The following ICA1L variants were observed in gnomAD, a reference collection of about 807,000 sequenced individuals.
ICA1L encodes the protein islet cell autoantigen 1-like protein.
In ICA1L, 50 loss-of-function variants were observed where a neutral mutation model predicts 61.3. The ratio of observed to expected loss-of-function variants is 0.82; its 90% CI spans 0.65 to 1.03. ICA1L has a LOEUF of 1.03. Ranked by LOEUF, ICA1L falls within the 50% of genes least tolerant of loss-of-function variation. The pLI, the probability that ICA1L is intolerant of heterozygous loss-of-function variation, is 0.00. For synonymous variants in ICA1L, 161 were observed against 191.3 expected (o/e 0.84, Z 1.31); for missense variants, 508 against 556.7 (o/e 0.91, Z 0.88).
chr2:202,829,073 G>A (rs1332847113), intron 1 of ICA1L, 57 bp from the exon 2 acceptor site: 2 of 1,420,698 alleles, frequency 1.4e-6, no homozygotes, highest in Non-Finnish European at 9.4e-7. Context: ...AATAGGCTGG[G>A]CACGGTGGCT....
chr2:202,823,584 T>G (rs1052318316), intron 3 of ICA1L, among the ~76,000 whole-genome samples: 8 of 152,220 alleles, frequency 5.3e-5, no homozygotes, highest in African/African-American at 1.4e-4. Flanking sequence ...CCAAATTTCC[T>G]TTGTTCCTTT....
At position 202,788,863 on chromosome 2, in the gene ICA1L, C is replaced by CAAAG; in HGVS notation, c.1206_1209dup (p.Asp404LeufsTer2). The CAAAG allele has an allele frequency of 3.1e-6, 5 of 1,613,952 alleles. No homozygotes were observed. Among genetic ancestry groups the CAAAG allele is most frequent in the Non-Finnish European group, 4.2e-6 (5 of 1,179,972 alleles). ...GCTCCAGCCACATGAAAGCCAAGGT[C>CAAAG]AAAGAGTTGTGAAGGAAGGAATCGA... On this transcript the variant is annotated frameshift_variant, in exon 11 of 13. Coordinates refer to ENST00000358299, the MANE Select transcript of ICA1L (RefSeq NM_001288622.3). LOFTEE classifies it high-confidence loss of function.
chr2:202,821,313 G>A, intron 4 of ICA1L, 45 bp downstream of exon 4: 1 of 1,589,916 alleles, frequency 6.3e-7, no homozygotes, highest in Non-Finnish European at 8.6e-7. Flanking sequence ...TGTCAAAACT[G>A]TCAGATTGAC....
At chr2:202,864,507 A>T (rs568970791) in intron 1 of ICA1L, among the ~76,000 whole-genome samples, 4 of 152,222 alleles carry the variant, frequency 2.6e-5, no homozygotes, top group Non-Finnish European at 5.9e-5. Context: ...TGCTGGGATT[A>T]CAGGCGCCTA....
At chr2:202,820,037 T>C (rs565684336) in intron 4 of ICA1L, 138 bp from the exon 5 acceptor site, 7 of 679,040 alleles carry the variant, frequency 1.0e-5, no homozygotes, top group South Asian at 1.9e-5. Flanking sequence ...TAAGGAGATT[T>C]TGAAAGCAAA....
chr2:202,784,628 G>GT (rs1485126714), intron 12 of ICA1L, among the ~76,000 whole-genome samples: 2 of 152,102 alleles, frequency 1.3e-5, no homozygotes, highest in Non-Finnish European at 2.9e-5. Context: ...GTCAAACAGA[G>GT]TATTATTCAG....
In ICA1L at chr2:202,778,551, AAT is replaced by A. The variant is rs1260467256; in HGVS notation, c.*980_*981del. The A allele has an allele frequency of 6.6e-6, 1 of 152,228 alleles. No homozygotes were observed. 9.4% of individuals were successfully genotyped at this position (152,228 alleles called of 1,614,324 possible). On this transcript the variant is annotated 3_prime_UTR_variant, in exon 13 of 13. Transcript: ENST00000358299. ...TCTGGGTTAAATAATTATGTCACAA[AAT>A]ATGAGATAAGTATGCAAATATATGT...
At chr2:202,813,793 C>T (rs571322855) in intron 8 of ICA1L, among the ~76,000 whole-genome samples, 170 of 152,210 alleles carry the variant, frequency 1.1e-3, no homozygotes, top group Middle Eastern at 3.4e-3. Context: ...AAAAGGGAAA[C>T]GGGGCATGAA....
At position 202,773,961 on chromosome 2, in the gene ICA1L, A is replaced by G. The variant is rs937312026; in HGVS notation, c.*5572T>C. ...TCTTCTCTTCCGCTTATTACTTGCC[A>G]CTGTGTTTTAAAAGGTATATGGTAC... On this transcript the variant is annotated 3_prime_UTR_variant, in exon 13 of 13. Coordinates refer to ENST00000358299, the MANE Select transcript of ICA1L (RefSeq NM_001288622.3). 1 of 1,055,304 alleles carries G rather than the reference A, an allele frequency of 9.5e-7. No homozygotes were observed. Among genetic ancestry groups the G allele is most frequent in the African/African-American group, 1.6e-5 (1 of 63,256 alleles). The allele number at this position is 1,055,304 out of a possible 1,614,324, so 65.4% of individuals were successfully genotyped here.
intron 10 of ICA1L, among the ~76,000 whole-genome samples, chr2:202,790,647 A>AT (rs1308176841): frequency 6.6e-6 from 1 of 152,142 alleles, no homozygotes; most frequent in East Asian, 1.9e-4. Flanking sequence ...CAGTCAATAG[A>AT]TAATAGAGGC....
chr2:202,813,222 T>C (rs1251257663), intron 8 of ICA1L, among the ~76,000 whole-genome samples: 1 of 148,808 alleles, frequency 6.7e-6, no homozygotes, highest in Non-Finnish European at 1.5e-5. Flanking sequence ...ATTGTGCCAC[T>C]GCACTCCAGC....
In ICA1L at chr2:202,819,705, C is replaced by G. The variant is rs1328969433; in HGVS notation, c.554G>C (p.Arg185Thr). 3 of 1,612,212 alleles carry G rather than the reference C, an allele frequency of 1.9e-6. No homozygotes were observed. Among genetic ancestry groups the G allele is most frequent in the Non-Finnish European group, 2.5e-6 (3 of 1,178,368 alleles). ...GAAAGGGATACGTTTTCATACTTTT[C>G]TAAACTTTTCCATTTGCTTTAAGGT... ...PDTLKQMEKF[R>T]KVQMQVRNSK... The change falls in exon 5 of 13, where the codon AGA becomes ACA. Residue 185 changes from arginine (R) to threonine (T), a missense_variant. Coordinates refer to ENST00000358299, the MANE Select transcript of ICA1L (RefSeq NM_001288622.3).
chr2:202,854,420 T>C (rs1694716210), intron 1 of ICA1L, among the ~76,000 whole-genome samples: 1 of 152,144 alleles, frequency 6.6e-6, no homozygotes, highest in Admixed American at 6.6e-5. Flanking sequence ...CAAAAAGACT[T>C]AGACTCGCAC....
At chr2:202,857,755 C>T (rs889363381) in intron 1 of ICA1L, among the ~76,000 whole-genome samples, 4 of 152,004 alleles carry the variant, frequency 2.6e-5, no homozygotes, top group Non-Finnish European at 4.4e-5. Flanking sequence ...CCAGAATCTA[C>T]AAGGAACTTA....
At chr2:202,850,833 A>C (rs886148632) in intron 1 of ICA1L, among the ~76,000 whole-genome samples, 9 of 152,094 alleles carry the variant, frequency 5.9e-5, no homozygotes, top group Non-Finnish European at 1.2e-4. Context: ...CAAGACATAT[A>C]ATTGTCAGAT....
At chr2:202,809,316 G>A (rs918361718) in intron 9 of ICA1L, among the ~76,000 whole-genome samples, 1 of 151,722 alleles carries the variant, frequency 6.6e-6, no homozygotes, top group East Asian at 1.9e-4. Flanking sequence ...CAGTGAGTTT[G>A]AAGACCGGTT....
chr2:202,814,905 T>C, intron 7 of ICA1L, 121 bp from the exon 8 acceptor site: 1 of 688,210 alleles, frequency 1.5e-6, no homozygotes, highest in Non-Finnish European at 2.5e-6. Flanking sequence ...AACTAGAGAG[T>C]GAAAGATATA....
intron 1 of ICA1L, among the ~76,000 whole-genome samples, chr2:202,870,345 C>T (rs970824655): frequency 6.6e-6 from 1 of 152,068 alleles, no homozygotes; most frequent in African/African-American, 2.4e-5. Context: ...CTCTGAGCAC[C>T]CTTCTAACTC....
chr2:202,814,870 G>C, intron 7 of ICA1L, 86 bp from the exon 8 acceptor site: 1 of 903,570 alleles, frequency 1.1e-6, no homozygotes, highest in Non-Finnish European at 1.7e-6. Flanking sequence ...AAATTCTAAA[G>C]AACCATATGA....
Sources: allele counts gnomAD v4.1 joint callset (sites outside exome capture counted in the v4.1 genomes callset), GRCh38; gene constraint gnomAD v4.1.1; transcripts MANE v1.5; gene names NCBI Gene and HGNC (gene_info 2026-07-23, HGNC 2026-07-21).